The following MYBPC1 variants were observed in gnomAD, a reference collection of about 807,000 sequenced individuals.
MYBPC1 encodes myosin-binding protein C, slow-type.
A neutral mutation model predicts 147.1 loss-of-function variants in MYBPC1; 52 were observed. That is an observed-to-expected ratio of 0.35 (90% confidence interval 0.28 to 0.45). The LOEUF is 0.45. Ranked by LOEUF, MYBPC1 falls within the 20% of genes least tolerant of loss-of-function variation. The probability of loss-of-function intolerance (pLI) is 1.00; values close to 1 mark genes in which losing one functional copy is unlikely to be tolerated. For missense variants in MYBPC1, 1,228 were observed against 1,440.3 expected, an observed-to-expected ratio of 0.85 and a Z score of 2.39; for synonymous variants, 477 against 475.9, an observed-to-expected ratio of 1.00 and a Z score of -0.03.
chr12:101,601,418 G>A (rs1367695914), intron 1 of MYBPC1, among the ~76,000 whole-genome samples: 1 of 152,168 alleles, frequency 6.6e-6, no homozygotes, highest in Non-Finnish European at 1.5e-5. Context: ...GAGTATTTAT[G>A]GGCTTTAACG....
At chr12:101,678,526 G>A (rs1440406567) in intron 28 of MYBPC1, among the ~76,000 whole-genome samples, 4 of 152,204 alleles carry the variant, frequency 2.6e-5, no homozygotes. Flanking sequence ...TGTTTCACTT[G>A]GAAAATTAGG....
intron 3 of MYBPC1, among the ~76,000 whole-genome samples, chr12:101,620,066 A>T (rs2135904533): frequency 6.6e-6 from 1 of 152,332 alleles, no homozygotes; most frequent in Middle Eastern, 3.4e-3. Context: ...GCTTGCTTGC[A>T]TCTGGCTATC....
At chr12:101,646,923 C>T in intron 13 of MYBPC1, 36 bp downstream of exon 13, 1 of 1,612,148 alleles carries the variant, frequency 6.2e-7, no homozygotes, top group East Asian at 2.2e-5. Flanking sequence ...TCACCAGGAG[C>T]TGTTGGCTTC....
rs1343722419 is a variant in MYBPC1, at chr12:101,653,243, G to A, written c.1762G>A (p.Asp588Asn). Residue 588 changes from aspartate to asparagine, a missense_variant, in exon 18 of 32, where the codon GAT becomes AAT. Transcript: ENST00000361466. ...TCCTAAAGCCATGTGGAGCCGGGGA[G>A]ATAAGGTTTGTTTTATGCTTGCACA... ...PPPKAMWSRGDKAIMEGSGRI... is the reference protein window; with the variant it reads ...PPPKAMWSRGNKAIMEGSGRI... 1 of 1,613,846 alleles carries A rather than the reference G, an allele frequency of 6.2e-7. No individual in the cohort carries two copies. The highest frequency in any genetic ancestry group is 8.5e-7 in the Non-Finnish European group (1 of 1,180,018).
At chr12:101,656,059 A>G (rs557863997) in intron 18 of MYBPC1, among the ~76,000 whole-genome samples, 1 of 152,262 alleles carries the variant, frequency 6.6e-6, no homozygotes. Flanking sequence ...AATTAGGGAC[A>G]TTTCATTATT....
At chr12:101,647,350 A>G (rs1565951516) in intron 13 of MYBPC1, among the ~76,000 whole-genome samples, 1 of 152,240 alleles carries the variant, frequency 6.6e-6, no homozygotes, top group Non-Finnish European at 1.5e-5. Flanking sequence ...GACAACCCTG[A>G]GATCTCTGTC....
intron 3 of MYBPC1, among the ~76,000 whole-genome samples, chr12:101,621,899 C>A (rs1302449144): frequency 3.9e-5 from 6 of 152,126 alleles, no homozygotes; most frequent in Admixed American, 2.0e-4. Flanking sequence ...TGGGTTCTTT[C>A]CCTACTTTCT....
chr12:101,598,194 A>G (rs550858388), intron 1 of MYBPC1, among the ~76,000 whole-genome samples: 16 of 151,804 alleles, frequency 1.1e-4, no homozygotes, highest in African/African-American at 3.4e-4. Flanking sequence ...TAATTTTTGT[A>G]TTTTTAGTAG....
chr12:101,680,207 C>T, intron 28 of MYBPC1, 136 bp from the exon 29 acceptor site: 1 of 834,788 alleles, frequency 1.2e-6, no homozygotes, highest in Non-Finnish European at 2.0e-6. Flanking sequence ...GAAATAGTGT[C>T]AAGTAAAAGT....
chr12:101,597,527 G>C (rs1171947956), intron 1 of MYBPC1, among the ~76,000 whole-genome samples: 18 of 152,180 alleles, frequency 1.2e-4, no homozygotes, highest in Admixed American at 1.0e-3. Flanking sequence ...TTTCTTCTTA[G>C]ATCTTGGGAG....
chr12:101,605,523 A>G (rs1419573375), intron 1 of MYBPC1, among the ~76,000 whole-genome samples: 1 of 152,196 alleles, frequency 6.6e-6, no homozygotes, highest in Non-Finnish European at 1.5e-5. Context: ...TTAATTTGGA[A>G]TACAGTAAAT....
rs982354121 is a variant in MYBPC1 at position 101,617,343 on chromosome 12, ATT to A, written c.103+101_103+102del. The A allele has an allele frequency of 1.7e-5, 22 of 1,285,724 alleles. No homozygotes were observed. The African/African-American group carries it at 2.8e-4, about 16-fold the overall frequency. 79.6% of individuals were successfully genotyped at this position (1,285,724 alleles called of 1,614,324 possible). On this transcript the variant is annotated intron_variant, in intron 3 of 31. Transcript: ENST00000361466. ...TGGTGGCTCCATAGAATTTCTCTGC[ATT>A]ATCTTTCGTTCTGCCTTTGCATCTT...
At chr12:101,668,912 C>T (rs1240477142) in intron 23 of MYBPC1, among the ~76,000 whole-genome samples, 1 of 152,040 alleles carries the variant, frequency 6.6e-6, no homozygotes, top group Non-Finnish European at 1.5e-5. Flanking sequence ...CATGGCAAAA[C>T]CACGTCTTTA....
At chr12:101,606,254 C>A (rs989329550) in intron 1 of MYBPC1, among the ~76,000 whole-genome samples, 1 of 149,844 alleles carries the variant, frequency 6.7e-6, no homozygotes, top group South Asian at 2.1e-4. Flanking sequence ...ACAAACAATT[C>A]TATTAGCTGT....
rs563410230 is a variant in MYBPC1, at chr12:101,642,600, G to C, written c.832+15G>C. The C allele has an allele frequency of 1.7e-5, 28 of 1,604,480 alleles. No homozygotes were observed. In the African/African-American group the frequency reaches 2.7e-4, roughly 15 times the overall value. On this transcript the variant is annotated intron_variant, in intron 11 of 31. Transcript: ENST00000361466. ...GAAGAGCGCAGGTGAGCGCTCCCGGGGGCGAGGCAGCGGCCGAGGGGCGTG... is the reference window on the plus strand; with the variant it reads ...GAAGAGCGCAGGTGAGCGCTCCCGGCGGCGAGGCAGCGGCCGAGGGGCGTG...
intron 3 of MYBPC1, among the ~76,000 whole-genome samples, chr12:101,626,433 A>G (rs1888634565): frequency 6.6e-6 from 1 of 152,182 alleles, no homozygotes; most frequent in Non-Finnish European, 1.5e-5. Context: ...CTGGGTAGAA[A>G]TGAGTTCTCA....
intron 3 of MYBPC1, among the ~76,000 whole-genome samples, chr12:101,624,030 T>G (rs1188087082): frequency 6.6e-6 from 1 of 152,144 alleles, no homozygotes; most frequent in Non-Finnish European, 1.5e-5. Flanking sequence ...TCACCCCCAC[T>G]TCCAGTACAC....
At chr12:101,615,009 CT>C (rs1885514507) in intron 2 of MYBPC1, 1 of 214,018 alleles carries the variant, frequency 4.7e-6, no homozygotes. Context: ...TCCCTAGCAG[CT>C]ATCCAGAAAG....
intron 25 of MYBPC1, among the ~76,000 whole-genome samples, chr12:101,675,089 T>C (rs1221914980): frequency 6.6e-6 from 1 of 151,936 alleles, no homozygotes; most frequent in South Asian, 2.1e-4. Flanking sequence ...TTGCAGGGAG[T>C]GTTGAGGCTG....
Sources: gnomAD v4.1 joint callset for allele counts (sites outside exome capture counted in the v4.1 genomes callset) on GRCh38, gnomAD v4.1.1 for gene constraint, MANE v1.5 for transcripts, NCBI Gene and HGNC (gene_info 2026-07-23, HGNC 2026-07-21) for gene names.